Variants in ZNF705G observed in about 807,000 individuals in gnomAD.
ZNF705G encodes putative zinc finger protein 705G.
In ZNF705G, 23 loss-of-function variants were observed where a neutral mutation model predicts 19.6. The ratio of observed to expected loss-of-function variants is 1.17; its 90% confidence interval spans 0.84 to 1.66. The LOEUF is 1.66. Among genes scored for constraint, ZNF705G ranks in the 40% most tolerant of loss-of-function variants. ZNF705G has a pLI of 0.00. For synonymous variants in ZNF705G, 146 were observed against 117.7 expected (o/e 1.24, Z -1.56); for missense variants, 457 against 354.4 (o/e 1.29, Z -2.32).
At chr8:7,367,763 G>A (rs534953748) in intron 2 of ZNF705G, among the ~76,000 whole-genome samples, 30 of 149,700 alleles carry the variant, frequency 2.0e-4, no homozygotes, top group East Asian at 1.7e-3. Flanking sequence ...GAAACTTACC[G>A]CTCAGTCTCT....
chr8:7,384,785 T>C (rs1386163672), intron 1 of ZNF705G, among the ~76,000 whole-genome samples: 2 of 145,294 alleles, frequency 1.4e-5, no homozygotes, highest in African/African-American at 2.9e-5. Flanking sequence ...TTACATAATT[T>C]AATAAAATAA....
At chr8:7,370,859 A>T (rs62636818) in intron 2 of ZNF705G, among the ~76,000 whole-genome samples, 31,181 of 71,700 alleles carry the variant, frequency 0.43, 6,310 homozygotes, top group Admixed American at 0.48. Flanking sequence ...GTGGTATGTA[A>T]ACACCATGGA....
At chr8:7,359,482 T>C in intron 6 of ZNF705G, 137 bp downstream of exon 6, 2 of 1,438,566 alleles carry the variant, frequency 1.4e-6, no homozygotes, top group Non-Finnish European at 9.3e-7. Flanking sequence ...AAATTCAAAG[T>C]ATCCAATTTT....
intron 4 of ZNF705G, 38 bp downstream of exon 4, chr8:7,361,072 G>T (rs764266776): frequency 1.3e-6 from 2 of 1,592,644 alleles, no homozygotes; most frequent in Non-Finnish European, 1.7e-6. Context: ...ATGAGTGAAT[G>T]TGTCTCTACA....
intron 2 of ZNF705G, among the ~76,000 whole-genome samples, chr8:7,367,827 A>G (rs542048304): frequency 6.7e-6 from 1 of 149,980 alleles, no homozygotes; most frequent in South Asian, 2.1e-4. Flanking sequence ...GCAAGGACTG[A>G]AGTTGCTTAT....
chr8:7,357,866 T>G lies in ZNF705G; in HGVS notation c.*110A>C, dbSNP rs1806346275. ...ATATGTTCTGAAGAAGTTTATAATTTTCTCTCCAGGGTGAATTTTCTGATG... is the reference window on the plus strand; with the variant it reads ...ATATGTTCTGAAGAAGTTTATAATTGTCTCTCCAGGGTGAATTTTCTGATG... On this transcript the variant is annotated 3_prime_UTR_variant, in exon 7 of 7. Coordinates refer to ENST00000400156, the MANE Select transcript of ZNF705G (RefSeq NM_001164457.3). The G allele has an allele frequency of 1.2e-5, 18 of 1,516,718 alleles. No homozygotes were observed. The South Asian group carries it at 2.3e-4, about 20-fold the overall frequency. 94.0% of individuals were successfully genotyped at this position (1,516,718 alleles called of 1,614,324 possible).
In ZNF705G at chr8:7,369,296, C is replaced by A. The variant is rs1215417186; in HGVS notation, c.-71-6279G>T. 2.7e-5 allele frequency among the ~76,000 whole-genome samples: 4 copies of A among 149,500 alleles called. 1 individual carries two copies. The highest frequency in any genetic ancestry group is 2.0e-4 in the Admixed American group (3 of 15,226). On this transcript the variant is annotated intron_variant, in intron 2 of 6. Transcript: ENST00000400156. ...GGATTTCTAAAGATGTATGGGAAAG[C>A]CTGTATGTCCAATAGAAGTCTGCTG...
chr8:7,362,120 C>A (rs573720050), intron 3 of ZNF705G, among the ~76,000 whole-genome samples: 12 of 149,664 alleles, frequency 8.0e-5, no homozygotes, highest in African/African-American at 1.5e-4. Flanking sequence ...ATTTAAAAAG[C>A]CTCTTCATTG....
At chr8:7,380,633 G>C (rs1484678805) in intron 2 of ZNF705G, among the ~76,000 whole-genome samples, 2 of 146,448 alleles carry the variant, frequency 1.4e-5, no homozygotes, top group Non-Finnish European at 2.9e-5. Flanking sequence ...GGGGTCACGA[G>C]AGTTGACCTG....
chr8:7,385,306 C>T (rs1463440271), intron 1 of ZNF705G, among the ~76,000 whole-genome samples, 192 bp downstream of exon 1: 20 of 148,558 alleles, frequency 1.3e-4, no homozygotes, highest in Non-Finnish European at 2.5e-4. Flanking sequence ...GACACAAACA[C>T]TCATACCACA....
In ZNF705G at chr8:7,361,211, G is replaced by T. The variant is rs760908004; in HGVS notation, c.38C>A (p.Ala13Asp). Residue 13 changes from alanine (A) to aspartate (D), a missense_variant, in exon 4 of 7, where the codon GCT becomes GAT. Ala to Asp is a moderately radical substitution (Grantham distance 126). Transcript: ENST00000400156. ...CCACTCTTCCTGGGTGAAGTCAATA[G>T]CTACATCTTCAAAAGTCAGTTTCTT... Reference protein sequence around the residue: ...SLKKLTFEDVAIDFTQEEWAM... With the variant: ...SLKKLTFEDVDIDFTQEEWAM... The T allele has an allele frequency of 1.9e-6, 3 of 1,592,714 alleles. No homozygotes were observed. The South Asian group carries it at 3.3e-5, about 18-fold the overall frequency.
intron 2 of ZNF705G, among the ~76,000 whole-genome samples, chr8:7,367,355 G>A (rs1486515860): frequency 6.7e-6 from 1 of 149,248 alleles, no homozygotes; most frequent in Non-Finnish European, 1.5e-5. Flanking sequence ...TTTCCTGATG[G>A]TCTACACCTG....
chr8:7,366,422 C>T (rs532324869), intron 2 of ZNF705G, among the ~76,000 whole-genome samples: 6 of 149,440 alleles, frequency 4.0e-5, no homozygotes, highest in African/African-American at 1.5e-4. Context: ...GGAAAAATCT[C>T]ACATTTTAAA....
chr8:7,382,533 C>A (rs530691128), intron 1 of ZNF705G, among the ~76,000 whole-genome samples: 13 of 146,386 alleles, frequency 8.9e-5, no homozygotes, highest in Admixed American at 7.3e-4. Context: ...TAAAGAAAAC[C>A]ACCCTTTAAA....
chr8:7,360,292 C>T lies in ZNF705G; in HGVS notation c.180G>A (p.Glu60=), dbSNP rs536253516. The T allele has an allele frequency of 3.1e-6, 5 of 1,591,214 alleles. No individual in the cohort carries two copies. The highest frequency in any genetic ancestry group is 2.3e-4 in the Middle Eastern group (1 of 4,414). ...CTTCCCTCCACAGCTCTTTTCCTTGCTCCAGCTGCAAAATTATATAGGATT... is the reference window on the plus strand; with the variant it reads ...CTTCCCTCCACAGCTCTTTTCCTTGTTCCAGCTGCAAAATTATATAGGATT... ...ISKSYIILQL[E]QGKELWREGR... is the part of the protein sequence containing the mutation. The change falls in exon 5 of 7, where the codon GAG becomes GAA. Residue 60 remains glutamate (E), a synonymous_variant. Coordinates refer to ENST00000400156, the MANE Select transcript of ZNF705G (RefSeq NM_001164457.3).
intron 6 of ZNF705G, 130 bp downstream of exon 6, chr8:7,359,489 T>A (rs1212194049): frequency 1.9e-4 from 43 of 226,064 alleles, no homozygotes; most frequent in Admixed American, 6.0e-4. Flanking sequence ...AAGTATCCAA[T>A]TTTTTTTTTT....
chr8:7,361,096 G>A lies in ZNF705G; in HGVS notation c.139+14C>T. The A allele has an allele frequency of 6.3e-7, 1 of 1,592,730 alleles. No homozygotes were observed. The highest frequency in any genetic ancestry group is 8.5e-7 in the Non-Finnish European group (1 of 1,179,396). On this transcript the variant is annotated intron_variant, in intron 4 of 6. Coordinates refer to ENST00000400156, the MANE Select transcript of ZNF705G (RefSeq NM_001164457.3). ...TGTGTCTCTACATATGTACATGAAT[G>A]TTCAGGGACTCACCGAGGGACACCA...
chr8:7,382,018 C>T (rs1807520872), intron 1 of ZNF705G, among the ~76,000 whole-genome samples: 1 of 152,192 alleles, frequency 6.6e-6, no homozygotes, highest in Non-Finnish European at 1.5e-5. Context: ...CCAATTTCTA[C>T]ATGTATGTGG....
intron 2 of ZNF705G, among the ~76,000 whole-genome samples, chr8:7,378,509 C>T (rs1231732626): frequency 0.011 from 931 of 87,314 alleles, no homozygotes; most frequent in Middle Eastern, 0.021. Flanking sequence ...CTTAAAGCAA[C>T]ACAAATGCAT....
Sources: allele counts gnomAD v4.1 joint callset (sites outside exome capture counted in the v4.1 genomes callset), GRCh38; gene constraint gnomAD v4.1.1; transcripts MANE v1.5; gene names NCBI Gene and HGNC (gene_info 2026-07-23, HGNC 2026-07-21).